Variants in STARD9 observed in about 807,000 individuals in gnomAD.
STARD9 encodes the protein stAR-related lipid transfer protein 9.
Under a neutral mutation model 399.8 loss-of-function variants are expected in STARD9, and 346 were observed. The ratio of observed to expected loss-of-function variants is 0.87; its 90% CI spans 0.79 to 0.95. The LOEUF (loss-of-function observed/expected upper bound fraction) is 0.95. Among genes scored for constraint, STARD9 ranks in the 40% least tolerant of loss-of-function variants. The pLI is 0.00. For missense variants in STARD9, 5,832 were observed against 5,667.5 expected (o/e 1.03, Z -0.93); for synonymous variants, 2,203 against 2,143.5 (o/e 1.03, Z -0.77).
chr15:42,692,034 T>C lies in STARD9; in HGVS notation c.10456T>C (p.Tyr3486His). The change falls in exon 23 of 33, where the codon TAT (tyrosine) becomes CAT (histidine). Residue 3486 changes from tyrosine to histidine, a missense_variant. By Grantham distance (83) the Tyr-to-His change is moderately conservative. This residue lies in a region of STARD9 where 5,828 missense variants were observed against 5,651.1 expected (regional missense o/e 1.03). Coordinates refer to ENST00000290607, the MANE Select transcript of STARD9 (RefSeq NM_020759.3). ...EEPARISWKQ[Y>H]MSGSAVDVSC... Reference sequence around the variant, plus strand: ...GCCTGCACGTATCAGCTGGAAGCAGTATATGTCTGGCAGTGCAGTCGATGT... The same window carrying C: ...GCCTGCACGTATCAGCTGGAAGCAGCATATGTCTGGCAGTGCAGTCGATGT... The C allele has an allele frequency of 6.5e-7, 1 of 1,537,198 alleles. No homozygotes were observed. The highest frequency in any genetic ancestry group is 8.7e-7 in the Non-Finnish European group (1 of 1,146,884).
At chr15:42,701,661 A>G (rs1192112015) in intron 26 of STARD9, among the ~76,000 whole-genome samples, 2 of 152,118 alleles carry the variant, frequency 1.3e-5, no homozygotes, top group African/African-American at 4.8e-5. Context: ...ACCCCAGAGA[A>G]ACCTTAAAAG....
At chr15:42,616,614 G>A (rs552351677) in intron 3 of STARD9, among the ~76,000 whole-genome samples, 167 of 152,184 alleles carry the variant, frequency 1.1e-3, no homozygotes, top group African/African-American at 3.9e-3. Flanking sequence ...GAGAATGGCC[G>A]GGTGCAGTGG....
chr15:42,661,184 T>C lies in STARD9; in HGVS notation c.729T>C (p.Ser243=), dbSNP rs61750788. 1 of 1,536,902 alleles carries C rather than the reference T, an allele frequency of 6.5e-7. No individual in the cohort carries two copies. The highest frequency in any genetic ancestry group is 8.7e-7 in the Non-Finnish European group (1 of 1,146,624). Residue 243 remains serine (S), a synonymous_variant, in exon 10 of 33, where the codon TCT becomes TCC. Coordinates refer to ENST00000290607, the MANE Select transcript of STARD9 (RefSeq NM_020759.3). ...CAATCCTGGAGAACAACCTCCCTTC[T>C]GAAATGGCTAGCAAGATCAACCTTG... ...TQAILENNLP[S]EMASKINLVD...
chr15:42,678,096 G>T (rs1012763943), intron 20 of STARD9, among the ~76,000 whole-genome samples: 2 of 152,224 alleles, frequency 1.3e-5, no homozygotes, highest in African/African-American at 2.4e-5. Flanking sequence ...AGGCTGGGCT[G>T]GTCCTGCCCA....
chr15:42,588,175 C>T (rs1295292404), intron 3 of STARD9, among the ~76,000 whole-genome samples: 3 of 151,620 alleles, frequency 2.0e-5, no homozygotes, highest in African/African-American at 7.3e-5. Flanking sequence ...AATCAGTCAT[C>T]TTAGAGGGGG....
At chr15:42,694,776 A>T (rs2060804177) in intron 24 of STARD9, 51 bp downstream of exon 24, 1 of 1,312,034 alleles carries the variant, frequency 7.6e-7, no homozygotes, top group Admixed American at 2.3e-5. Flanking sequence ...GGGGGAGGGG[A>T]GTATGGGGAG....
intron 16 of STARD9, chr15:42,672,415 C>G (rs2060220641): frequency 6.6e-6 from 1 of 152,218 alleles, no homozygotes; most frequent in African/African-American, 2.4e-5. Context: ...ATCTGACATG[C>G]CATCACCTTT....
chr15:42,715,014 A>G (rs2061324670), intron 26 of STARD9, among the ~76,000 whole-genome samples: 1 of 151,940 alleles, frequency 6.6e-6, no homozygotes, highest in Non-Finnish European at 1.5e-5. Flanking sequence ...GAGTGAGAAA[A>G]TAGGGCCTAG....
rs1312575261 is a variant in STARD9, at chr15:42,690,065, G to T, written c.8487G>T (p.Gly2829=). The change falls in exon 23 of 33, where the codon GGG becomes GGT. Residue 2829 remains glycine, a synonymous_variant. Coordinates refer to ENST00000290607, the MANE Select transcript of STARD9 (RefSeq NM_020759.3). Reference sequence around the variant, plus strand: ...TTCAGAATTCTACAAGTGCCTCAGGGCCTAAGCAAGACCATGTCCAATGCC... The same window carrying T: ...TTCAGAATTCTACAAGTGCCTCAGGTCCTAAGCAAGACCATGTCCAATGCC... ...CDVQNSTSAS[G]PKQDHVQCPE... The T allele has an allele frequency of 3.6e-5, 56 of 1,537,388 alleles. No individual in the cohort carries two copies. The highest frequency in any genetic ancestry group is 4.7e-5 in the Non-Finnish European group (54 of 1,146,984).
chr15:42,689,334 T>C lies in STARD9; in HGVS notation c.7756T>C (p.Cys2586Arg). ...CTGTGAAACTTTACTAGAACCCGAATGTTCTTCAAGGGTTGCTGGCAGGCC... is the reference window on the plus strand; with the variant it reads ...CTGTGAAACTTTACTAGAACCCGAACGTTCTTCAAGGGTTGCTGGCAGGCC... The part of the protein sequence containing the change: ...SYCETLLEPE[C>R]SSRVAGRPQC... The change falls in exon 23 of 33, where the codon TGT becomes CGT. Residue 2586 changes from cysteine to arginine, a missense_variant. Physicochemically the swap from Cys to Arg is radical, Grantham distance 180. Around this residue, in one of 2 missense-constraint regions of STARD9, gnomAD observed 5,828 missense variants for 5,651.1 expected, o/e 1.03. Transcript: ENST00000290607. 1 of 1,537,258 alleles carries C rather than the reference T, an allele frequency of 6.5e-7. No individual in the cohort carries two copies. Among genetic ancestry groups the C allele is most frequent in the Non-Finnish European group, 8.7e-7 (1 of 1,146,902 alleles).
At chr15:42,657,082 C>T (rs764967488) in intron 9 of STARD9, among the ~76,000 whole-genome samples, 20 of 151,980 alleles carry the variant, frequency 1.3e-4, no homozygotes, top group Non-Finnish European at 2.6e-4. Context: ...TAAGGCTGGG[C>T]GTGGTGGCTC....
chr15:42,623,481 T>C (rs2059133099), intron 3 of STARD9, among the ~76,000 whole-genome samples: 1 of 152,220 alleles, frequency 6.6e-6, no homozygotes, highest in Admixed American at 6.5e-5. Flanking sequence ...TTTTCAAACC[T>C]CTCTCAGTGT....
At chr15:42,640,307 C>T (rs901731784) in intron 7 of STARD9, among the ~76,000 whole-genome samples, 18 of 152,236 alleles carry the variant, frequency 1.2e-4, no homozygotes, top group African/African-American at 2.2e-4. Flanking sequence ...AAATGGATGA[C>T]GCAATAGGTA....
In STARD9 at chr15:42,688,080, A is replaced by T. The variant is rs772774346; in HGVS notation, c.6502A>T (p.Thr2168Ser). The change falls in exon 23 of 33, where the codon ACC (threonine) becomes TCC (serine). Residue 2168 changes from threonine to serine, a missense_variant. By Grantham distance (58) the Thr-to-Ser change is moderately conservative. Transcript: ENST00000290607. ...AGAGAGTGAACCTGTGAGAGAGCACACCCACCCAGCTGGATCGGACAGACC... is the reference window on the plus strand; with the variant it reads ...AGAGAGTGAACCTGTGAGAGAGCACTCCCACCCAGCTGGATCGGACAGACC... Reference protein sequence around the residue: ...VRESEPVREHTHPAGSDRPAR... With the variant: ...VRESEPVREHSHPAGSDRPAR... The T allele has an allele frequency of 6.5e-7, 1 of 1,537,222 alleles. No homozygotes were observed.
intron 3 of STARD9, among the ~76,000 whole-genome samples, chr15:42,601,721 G>T (rs1432074536): frequency 1.3e-5 from 2 of 152,228 alleles, no homozygotes; most frequent in African/African-American, 4.8e-5. Context: ...TCACCTATCA[G>T]TGCAAAGATG....
chr15:42,685,069 G>C lies in STARD9; in HGVS notation c.3491G>C (p.Gly1164Ala), dbSNP rs1470937242. The C allele has an allele frequency of 1.3e-6, 2 of 1,537,186 alleles. No individual in the cohort carries two copies. Among genetic ancestry groups the C allele is most frequent in the Non-Finnish European group, 1.7e-6 (2 of 1,146,924 alleles). The change falls in exon 23 of 33, where the codon GGG (glycine) becomes GCG (alanine). Residue 1164 changes from glycine (G) to alanine (A), a missense_variant. Gly to Ala is a moderately conservative substitution (Grantham distance 60). This residue lies in a region of STARD9 where 5,828 missense variants were observed against 5,651.1 expected (regional missense o/e 1.03). Transcript: ENST00000290607. ...KRYQSPKNRLGGNRPTNNRGQ... is the reference protein window; with the variant it reads ...KRYQSPKNRLAGNRPTNNRGQ... Reference sequence around the variant, plus strand: ...TACCAAAGCCCCAAAAACAGGCTAGGGGGCAATCGTCCCACCAACAACCGT... The same window carrying C: ...TACCAAAGCCCCAAAAACAGGCTAGCGGGCAATCGTCCCACCAACAACCGT...
At chr15:42,635,662 A>G (rs1213193469) in intron 4 of STARD9, among the ~76,000 whole-genome samples, 1 of 152,186 alleles carries the variant, frequency 6.6e-6, no homozygotes, top group Non-Finnish European at 1.5e-5. Flanking sequence ...GAAGAGCCTT[A>G]GAATTTTACA....
intron 3 of STARD9, among the ~76,000 whole-genome samples, chr15:42,593,844 A>G (rs1274350295): frequency 1.3e-5 from 2 of 150,168 alleles, no homozygotes; most frequent in African/African-American, 4.9e-5. Flanking sequence ...TTTTTTTTGT[A>G]TTTTTAGTAG....
chr15:42,644,229 C>A (rs529614082), intron 7 of STARD9, among the ~76,000 whole-genome samples: 1 of 152,364 alleles, frequency 6.6e-6, no homozygotes, highest in East Asian at 1.9e-4. Flanking sequence ...CATGGCGGCT[C>A]ACGCCTGTAA....
Sources: allele counts gnomAD v4.1 joint callset (sites outside exome capture counted in the v4.1 genomes callset), GRCh38; gene constraint gnomAD v4.1.1; regional missense constraint gnomAD v4.1.1; transcripts MANE v1.5; gene names NCBI Gene and HGNC (gene_info 2026-07-23, HGNC 2026-07-21).